Variants in SYN3 observed in about 807,000 individuals in gnomAD.
SYN3 encodes synapsin III.
Under a neutral mutation model 65.8 loss-of-function variants are expected in SYN3, and 35 were observed. That is an observed-to-expected ratio of 0.53 (90% CI 0.41 to 0.70). The LOEUF is 0.70. Among genes scored for constraint, SYN3 ranks in the 30% least tolerant of loss-of-function variants. The pLI, the probability that SYN3 is intolerant of heterozygous loss-of-function variation, is 0.00. For missense variants in SYN3, 680 were observed against 749.0 expected, an observed-to-expected ratio of 0.91 and a Z score of 1.08; for synonymous variants, 270 against 292.9, an observed-to-expected ratio of 0.92 and a Z score of 0.80.
intron 6 of SYN3, among the ~76,000 whole-genome samples, chr22:32,754,716 C>T (rs2045241706): frequency 6.6e-6 from 1 of 152,264 alleles, no homozygotes; most frequent in African/African-American, 2.4e-5. Context: ...TACAGTCCTA[C>T]ACCTTGATGC....
chr22:33,016,184 T>G (rs538261106), intron 1 of SYN3, among the ~76,000 whole-genome samples: 43 of 152,326 alleles, frequency 2.8e-4, no homozygotes, highest in Middle Eastern at 3.4e-3. Flanking sequence ...TCTTAACTTT[T>G]GAAAGGAATC....
chr22:32,795,094 G>A (rs1035547187), intron 6 of SYN3, among the ~76,000 whole-genome samples: 4 of 152,214 alleles, frequency 2.6e-5, no homozygotes, highest in Non-Finnish European at 5.9e-5. Flanking sequence ...CCCTGGGGAT[G>A]AGCCAGATCA....
intron 6 of SYN3, among the ~76,000 whole-genome samples, chr22:32,812,428 G>GAC (rs1163515733): frequency 3.3e-5 from 5 of 152,198 alleles, no homozygotes; most frequent in Non-Finnish European, 7.3e-5. Flanking sequence ...TTGCCAAACA[G>GAC]ACAGCAACCT....
At chr22:32,637,630 CTTTTTTTTTTTTTTTTTT>C (rs1185407986) in intron 6 of SYN3, among the ~76,000 whole-genome samples, 1 of 93,562 alleles carries the variant, frequency 1.1e-5, no homozygotes, top group Non-Finnish European at 2.0e-5. Flanking sequence ...TTTTCTTTTT[CTTTTTTTTTTTTTTTTTT>C]TTTTTTTGAG....
At chr22:33,000,007 G>C (rs897163325) in intron 2 of SYN3, among the ~76,000 whole-genome samples, 2 of 152,176 alleles carry the variant, frequency 1.3e-5, no homozygotes, top group African/African-American at 4.8e-5. Context: ...GAGTGGCAGT[G>C]GGGCTGAAGA....
intron 6 of SYN3, among the ~76,000 whole-genome samples, chr22:32,666,048 T>A (rs1427110056): frequency 3.3e-5 from 5 of 152,180 alleles, no homozygotes. Flanking sequence ...CCTGCGGCTC[T>A]CTCGATGCTT....
At chr22:32,942,001 G>A (rs2050955167) in intron 3 of SYN3, among the ~76,000 whole-genome samples, 1 of 152,222 alleles carries the variant, frequency 6.6e-6, no homozygotes, top group Non-Finnish European at 1.5e-5. Flanking sequence ...GCCTACCTCT[G>A]TAGACTCCAC....
intron 2 of SYN3, among the ~76,000 whole-genome samples, chr22:32,996,833 C>T (rs1007152077): frequency 5.3e-5 from 8 of 152,190 alleles, no homozygotes; most frequent in African/African-American, 1.7e-4. Flanking sequence ...TCTGGCTGCC[C>T]GGAGGGCTCC....
chr22:32,556,723 T>C (rs1270320474), intron 7 of SYN3, among the ~76,000 whole-genome samples: 5 of 150,218 alleles, frequency 3.3e-5, no homozygotes, highest in Middle Eastern at 3.5e-3. Flanking sequence ...CTGAGAAACC[T>C]ATGGGGTGGG....
At chr22:32,950,833 C>T (rs1569351281) in intron 3 of SYN3, among the ~76,000 whole-genome samples, 1 of 152,114 alleles carries the variant, frequency 6.6e-6, no homozygotes, top group Non-Finnish European at 1.5e-5. Context: ...ATTTGCCGTT[C>T]CTCCTTTGGT....
At position 32,665,783 on chromosome 22, in the gene SYN3, G is replaced by C. The variant is rs369403766; in HGVS notation, c.712-69047C>G. Among the ~76,000 whole-genome samples the C allele has an allele frequency of 3.0e-3, 459 of 151,812 alleles. 3 individuals carry two copies. Among genetic ancestry groups the C allele is most frequent in the African/African-American group, 0.01 (430 of 41,344 alleles). Reference sequence around the variant, plus strand: ...GCTCTCAGACCTTTTCTCTTTTTCTGTCCATACTCATTCCTTTAGTAACCT... The same window carrying C: ...GCTCTCAGACCTTTTCTCTTTTTCTCTCCATACTCATTCCTTTAGTAACCT... On this transcript the variant is annotated intron_variant, in intron 6 of 13. Coordinates refer to ENST00000358763, the MANE Select transcript of SYN3 (RefSeq NM_003490.4).
intron 6 of SYN3, among the ~76,000 whole-genome samples, chr22:32,599,615 C>T (rs116747433): frequency 0.015 from 2,323 of 152,210 alleles, 66 homozygotes; most frequent in African/African-American, 0.052. Context: ...GCCACTGCGC[C>T]GGAAGTCAAG....
chr22:32,865,029 T>G (rs766516048), intron 5 of SYN3, 25 bp from the exon 6 acceptor site: 1 of 1,576,418 alleles, frequency 6.3e-7, no homozygotes, highest in East Asian at 2.2e-5. Context: ...GAGAGAACAT[T>G]GATCAACTAT....
At chr22:32,710,632 C>CAAAAAAAAA (rs57427060) in intron 6 of SYN3, among the ~76,000 whole-genome samples, 3,817 of 74,490 alleles carry the variant, frequency 0.051, 101 homozygotes, top group Middle Eastern at 0.073. Context: ...GACTCTGTCT[C>CAAAAAAAAA]AAAAAAAAAA....
intron 7 of SYN3, among the ~76,000 whole-genome samples, chr22:32,554,131 C>G (rs2058456790): frequency 6.6e-6 from 1 of 152,160 alleles, no homozygotes; most frequent in African/African-American, 2.4e-5. Context: ...TGTGTGCAGC[C>G]CAGGTTGGAG....
intron 6 of SYN3, chr22:32,862,693 A>G (rs1429595361): frequency 6.6e-6 from 1 of 152,514 alleles, no homozygotes; most frequent in Non-Finnish European, 1.5e-5. Context: ...ATGTGACAAC[A>G]ACTTCCAAAT....
chr22:32,869,690 GTT>G (rs748620876), intron 4 of SYN3, among the ~76,000 whole-genome samples: 3,691 of 114,798 alleles, frequency 0.032, 66 homozygotes, highest in Non-Finnish European at 0.048. Flanking sequence ...ACACATCTTG[GTT>G]TTTTTTTTTT....
At chr22:32,997,935 G>C (rs1474429237) in intron 2 of SYN3, among the ~76,000 whole-genome samples, 1 of 151,342 alleles carries the variant, frequency 6.6e-6, no homozygotes, top group Non-Finnish European at 1.5e-5. Context: ...GCTGAGGCAG[G>C]AGAAGGGCGT....
intron 6 of SYN3, among the ~76,000 whole-genome samples, chr22:32,770,533 C>T (rs1018440886): frequency 2.6e-5 from 4 of 152,170 alleles, no homozygotes; most frequent in African/African-American, 9.7e-5. Flanking sequence ...CACCTCGGGG[C>T]CTTTGCACTT....
Sources: allele counts gnomAD v4.1 joint callset (sites outside exome capture counted in the v4.1 genomes callset), GRCh38; gene constraint gnomAD v4.1.1; transcripts MANE v1.5; gene names NCBI Gene and HGNC (gene_info 2026-07-23, HGNC 2026-07-21).